The following FHOD3 variants were observed in gnomAD, a reference collection of about 807,000 sequenced individuals.
The protein encoded by FHOD3 is formin homology 2 domain containing 3.
FHOD3 carries 90 observed loss-of-function variants against 173.0 expected under a neutral mutation model. The ratio of observed to expected loss-of-function variants is 0.52; its 90% CI spans 0.44 to 0.62. The LOEUF is 0.62. FHOD3 is among the 20% of genes least tolerant of loss of function. The pLI is 0.00. For missense variants in FHOD3, 1,945 were observed against 2,034.7 expected (o/e 0.96, Z 0.85); for synonymous variants, 828 against 823.0 (o/e 1.01, Z -0.10).
intron 1 of FHOD3, among the ~76,000 whole-genome samples, chr18:36,306,523 A>T (rs2144559586): frequency 6.6e-6 from 1 of 152,264 alleles, no homozygotes; most frequent in Non-Finnish European, 1.5e-5. Context: ...TAGGCAACCA[A>T]CTTGTGTGAC....
At chr18:36,410,130 A>T (rs925727655) in intron 3 of FHOD3, among the ~76,000 whole-genome samples, 2 of 152,294 alleles carry the variant, frequency 1.3e-5, no homozygotes, top group Non-Finnish European at 2.9e-5. Flanking sequence ...TCATCCTCAA[A>T]AAAAACACCA....
chr18:36,514,907 C>T (rs1438003517), intron 5 of FHOD3, among the ~76,000 whole-genome samples: 4 of 152,186 alleles, frequency 2.6e-5, no homozygotes, highest in African/African-American at 4.8e-5. Flanking sequence ...TTCCTAGACT[C>T]CACAGGGGAG....
chr18:36,392,740 A>G (rs528916419), intron 3 of FHOD3, among the ~76,000 whole-genome samples: 1 of 152,202 alleles, frequency 6.6e-6, no homozygotes, highest in African/African-American at 2.4e-5. Context: ...TGTACCTCAT[A>G]GATTCTTTTT....
chr18:36,779,821 C>A lies in FHOD3; in HGVS notation c.*291C>A. ...ACACCTTTTCTGGGCAAGGAACAGC[C>A]CCTTTAAGGAGCAAATCACTTCTGT... On this transcript the variant is annotated 3_prime_UTR_variant, in exon 29 of 29. Coordinates refer to ENST00000590592, the MANE Select transcript of FHOD3 (RefSeq NM_001281740.3). The A allele has an allele frequency of 2.0e-6, 1 of 489,208 alleles. No homozygotes were observed. The highest frequency in any genetic ancestry group is 3.6e-6 in the Non-Finnish European group (1 of 277,542). 30.3% of individuals were successfully genotyped at this position (489,208 alleles called of 1,614,324 possible). A position where few individuals can be genotyped will look rare whatever the true frequency, so the allele number is the denominator to read the frequency against.
intron 10 of FHOD3, among the ~76,000 whole-genome samples, chr18:36,642,102 A>C (rs1221675193): frequency 6.6e-6 from 1 of 152,118 alleles, no homozygotes; most frequent in Non-Finnish European, 1.5e-5. Flanking sequence ...ACACATGGAC[A>C]CATAGAGGGG....
At chr18:36,446,730 C>A (rs557665358) in intron 3 of FHOD3, among the ~76,000 whole-genome samples, 1 of 152,270 alleles carries the variant, frequency 6.6e-6, no homozygotes, top group East Asian at 1.9e-4. Flanking sequence ...CCCTCACCCC[C>A]ACCTGCCCCC....
intron 5 of FHOD3, among the ~76,000 whole-genome samples, chr18:36,561,447 A>G (rs569543757): frequency 6.6e-6 from 1 of 152,200 alleles, no homozygotes; most frequent in Non-Finnish European, 1.5e-5. Flanking sequence ...CTGTTAGAGC[A>G]CACGTCCAAG....
At chr18:36,665,092 CA>C (rs1288988277) in intron 14 of FHOD3, among the ~76,000 whole-genome samples, 11 of 152,038 alleles carry the variant, frequency 7.2e-5, no homozygotes, top group East Asian at 1.9e-4. Context: ...GACCCTGTCT[CA>C]AAAAAGAAAA....
intron 1 of FHOD3, among the ~76,000 whole-genome samples, chr18:36,315,319 T>C (rs1478776665): frequency 1.3e-5 from 2 of 152,174 alleles, no homozygotes; most frequent in African/African-American, 4.8e-5. Context: ...TTGACCTCAG[T>C]CTCTCTTCAT....
At chr18:36,326,942 T>C (rs977630798) in intron 1 of FHOD3, among the ~76,000 whole-genome samples, 2 of 152,226 alleles carry the variant, frequency 1.3e-5, no homozygotes, top group African/African-American at 4.8e-5. Flanking sequence ...GCTCGGACTT[T>C]GGCATTTTAC....
Position 36,709,128 on chromosome 18 carries a change from C to T in FHOD3, c.2270C>T (p.Ala757Val), listed in dbSNP as rs1439842952. ...GGGGATCCTGAACCCGAATCAGAGGCAGAACCGGAAGCAGAGGCAGGGGCG... is the reference window on the plus strand; with the variant it reads ...GGGGATCCTGAACCCGAATCAGAGGTAGAACCGGAAGCAGAGGCAGGGGCG... ...SAGDPEPESE[A>V]EPEAEAGAGQ... Residue 757 changes from alanine to valine, a missense_variant, in exon 18 of 29, where the codon GCA (alanine) becomes GTA (valine). Physicochemically the swap from Ala to Val is moderately conservative, Grantham distance 64. Coordinates refer to ENST00000590592, the MANE Select transcript of FHOD3 (RefSeq NM_001281740.3). The T allele has an allele frequency of 6.2e-7, 1 of 1,613,634 alleles. No homozygotes were observed. Among genetic ancestry groups the T allele is most frequent in the Non-Finnish European group, 8.5e-7 (1 of 1,179,688 alleles).
At chr18:36,632,014 T>C (rs984198840) in intron 10 of FHOD3, among the ~76,000 whole-genome samples, 4 of 151,678 alleles carry the variant, frequency 2.6e-5, no homozygotes, top group African/African-American at 9.8e-5. Context: ...CCAGTTTTTT[T>C]CTCATACCAA....
chr18:36,614,551 T>C (rs896371254), intron 9 of FHOD3, among the ~76,000 whole-genome samples: 1 of 152,236 alleles, frequency 6.6e-6, no homozygotes, highest in African/African-American at 2.4e-5. Flanking sequence ...TAACTATCTT[T>C]AACTGATTGA....
chr18:36,315,065 C>T (rs1279579320), intron 1 of FHOD3, among the ~76,000 whole-genome samples: 1 of 152,160 alleles, frequency 6.6e-6, no homozygotes, highest in Non-Finnish European at 1.5e-5. Context: ...AAAGCATGGG[C>T]CTCGTCTCCA....
At chr18:36,578,142 AT>A (rs2148030499) in intron 6 of FHOD3, among the ~76,000 whole-genome samples, 1 of 152,306 alleles carries the variant, frequency 6.6e-6, no homozygotes, top group Admixed American at 6.5e-5. Context: ...AGCATATTGG[AT>A]TAATCTGTTC....
rs145330066 is a variant in FHOD3 at position 36,776,407 on chromosome 18, G to A, written c.4787-3041G>A. On this transcript the variant is annotated intron_variant, in intron 28 of 28. Transcript: ENST00000590592. ...CAGATGGTTGACCAAACACCCAAAG[G>A]GGCTCTTGTCGCGTGTGACTTGAAT... is the stretch of plus-strand genomic sequence containing the variant. Among the ~76,000 whole-genome samples, 339 of 152,212 alleles carry A rather than the reference G, an allele frequency of 2.2e-3. 2 individuals carry two copies. The highest frequency in any genetic ancestry group is 8.0e-3 in the African/African-American group (331 of 41,528).
chr18:36,424,226 C>G (rs1479295513), intron 3 of FHOD3, among the ~76,000 whole-genome samples: 3 of 152,230 alleles, frequency 2.0e-5, no homozygotes, highest in Non-Finnish European at 4.4e-5. Context: ...CACAAGCACA[C>G]TTTGGTTTCT....
chr18:36,432,981 G>A (rs368471519), intron 3 of FHOD3, among the ~76,000 whole-genome samples: 2 of 152,050 alleles, frequency 1.3e-5, no homozygotes, highest in Admixed American at 6.6e-5. Flanking sequence ...CTATGACCCC[G>A]GCTTGGTAGA....
At chr18:36,414,436 C>T (rs2049519155) in intron 3 of FHOD3, among the ~76,000 whole-genome samples, 1 of 152,192 alleles carries the variant, frequency 6.6e-6, no homozygotes, top group South Asian at 2.1e-4. Flanking sequence ...GTGTGCATTT[C>T]CATCCATTAT....
Sources: gnomAD v4.1 joint callset for allele counts (sites outside exome capture counted in the v4.1 genomes callset) on GRCh38, gnomAD v4.1.1 for gene constraint, MANE v1.5 for transcripts, NCBI Gene and HGNC (gene_info 2026-07-23, HGNC 2026-07-21) for gene names.